Variants in IFNA16 observed in about 807,000 individuals in gnomAD.
IFNA16 encodes the protein interferon alpha 16, also known as interferon alpha-16.
For missense variants in IFNA16, 332 were observed against 213.5 expected (o/e 1.55, Z -3.46); for synonymous variants, 122 against 83.3 (o/e 1.46, Z -2.53).
At position 21,217,296 on chromosome 9, in the gene IFNA16, A is replaced by T. The variant is rs777376576; in HGVS notation, c.10T>A (p.Ser4Thr). Residue 4 changes from serine (S) to threonine (T), a missense_variant, in exon 1 of 1, where the codon TCC becomes ACC. Ser to Thr is a moderately conservative substitution (Grantham distance 58). Coordinates refer to ENST00000380216, the MANE Select transcript of IFNA16 (RefSeq NM_002173.3). The part of the protein sequence containing the change: MAL[S>T]FSLLMAVLVL... ...AGCACGGCCATCAGTAAAGAAAAGG[A>T]CAGGGCCATTGGGATGTTGCAAATA... 1 of 1,610,474 alleles carries T rather than the reference A, an allele frequency of 6.2e-7. No homozygotes were observed. The highest frequency in any genetic ancestry group is 2.2e-5 in the East Asian group (1 of 44,866).
Position 21,217,181 on chromosome 9 carries a change from G to C in IFNA16, c.125C>G (p.Ala42Gly), listed in dbSNP as rs761070897. Residue 42 changes from alanine (A) to glycine (G), a missense_variant, in exon 1 of 1, where the codon GCA (alanine) becomes GGA (glycine). Coordinates refer to ENST00000380216, the MANE Select transcript of IFNA16 (RefSeq NM_002173.3). ...LGNRRALILL[A>G]QMGRISHFSC... ...GAAATGAGAGATTCTTCCCATTTGT[G>C]CCAGGAGTATCAAGGCCCTCCTATT... The C allele has an allele frequency of 7.4e-6, 12 of 1,613,898 alleles. No homozygotes were observed. The highest frequency in any genetic ancestry group is 2.2e-5 in the East Asian group (1 of 44,868).
chr9:21,216,711 G>T lies in IFNA16; in HGVS notation c.*25C>A, dbSNP rs142247682. ...GTGAGATGATGTATTAATCAATGAG[G>T]ATCATTTCCATGTTGAATGAGTTTT... On this transcript the variant is annotated 3_prime_UTR_variant, in exon 1 of 1. Transcript: ENST00000380216. The T allele has an allele frequency of 7.7e-5, 124 of 1,608,896 alleles. 1 individual carries two copies. In the East Asian group the frequency reaches 2.6e-3, roughly 34 times the overall value.
rs1213296461 is a variant in IFNA16, at chr9:21,216,836, T to C, written c.470A>G (p.Lys157Arg). 6.2e-7 allele frequency: 1 copy of C among 1,613,918 alleles called. No individual in the cohort carries two copies. Among genetic ancestry groups the C allele is most frequent in the African/African-American group, 1.3e-5 (1 of 74,904 alleles). Residue 157 changes from lysine (K) to arginine (R), a missense_variant, in exon 1 of 1, where the codon AAG becomes AGG. Coordinates refer to ENST00000380216, the MANE Select transcript of IFNA16 (RefSeq NM_002173.3). ...FQRITLYLMG[K>R]KYSPCAWEVV... ...CTCCCAGGCACAAGGGCTGTATTTC[T>C]TCCCCATCAGATAAAGAGTGATTCT...
At position 21,216,531 on chromosome 9, in the gene IFNA16, A is replaced by G. The variant is rs1012679714; in HGVS notation, c.*205T>C. ...AATAAATAAATATTTAAATAAATAG[A>G]TGAATAGAGACATCAGCATGGTCAT... On this transcript the variant is annotated 3_prime_UTR_variant, in exon 1 of 1. Transcript: ENST00000380216. 2 of 408,470 alleles carry G rather than the reference A, an allele frequency of 4.9e-6. No individual in the cohort carries two copies. Among genetic ancestry groups the G allele is most frequent in the African/African-American group, 2.1e-5 (1 of 48,246 alleles). 25.3% of individuals were successfully genotyped at this position (408,470 alleles called of 1,614,324 possible). A position where few individuals can be genotyped will look rare whatever the true frequency, so the allele number is the denominator to read the frequency against.
chr9:21,216,641 G>C lies in IFNA16; in HGVS notation c.*95C>G. ...TTTGAAAATTTTGATTCAACTTGTG[G>C]TGGTTATAGAAGTGAGTCTTTGAAA... On this transcript the variant is annotated 3_prime_UTR_variant, in exon 1 of 1. Coordinates refer to ENST00000380216, the MANE Select transcript of IFNA16 (RefSeq NM_002173.3). The C allele has an allele frequency of 6.6e-7, 1 of 1,516,868 alleles. No homozygotes were observed. The highest frequency in any genetic ancestry group is 8.9e-7 in the Non-Finnish European group (1 of 1,126,648). 94.0% of individuals were successfully genotyped at this position (1,516,868 alleles called of 1,614,324 possible). A position where few individuals can be genotyped will look rare whatever the true frequency, so the allele number is the denominator to read the frequency against.
At position 21,216,771 on chromosome 9, in the gene IFNA16, T is replaced by C. The variant is rs1424952264; in HGVS notation, c.535A>G (p.Thr179Ala). ...AEIMRSFSFS[T>A]NLQKGLRRKD is the part of the protein sequence containing the mutation. ...CTTCTTAATCCTTTTTGCAAGTTTG[T>C]TGAAAAAGAGAAGGATCTCATGATT... The change falls in exon 1 of 1, where the codon ACA becomes GCA. Residue 179 changes from threonine (T) to alanine (A), a missense_variant. Transcript: ENST00000380216. 5.6e-6 allele frequency: 9 copies of C among 1,613,686 alleles called. No individual in the cohort carries two copies. The highest frequency in any genetic ancestry group is 1.1e-5 in the South Asian group (1 of 90,964).
rs1364567678 is a variant in IFNA16, at chr9:21,216,834, T to G, written c.472A>C (p.Lys158Gln). 1.9e-6 allele frequency: 3 copies of G among 1,613,926 alleles called. No homozygotes were observed. Among genetic ancestry groups the G allele is most frequent in the Non-Finnish European group, 2.5e-6 (3 of 1,179,970 alleles). The change falls in exon 1 of 1, where the codon AAA becomes CAA. Residue 158 changes from lysine to glutamine, a missense_variant. Transcript: ENST00000380216. ...QRITLYLMGK[K>Q]YSPCAWEVVR... is the part of the protein sequence containing the mutation. ...ACCTCCCAGGCACAAGGGCTGTATTTCTTCCCCATCAGATAAAGAGTGATT... is the reference window on the plus strand; with the variant it reads ...ACCTCCCAGGCACAAGGGCTGTATTGCTTCCCCATCAGATAAAGAGTGATT...
chr9:21,216,809 A>C lies in IFNA16; in HGVS notation c.497T>G (p.Val166Gly), dbSNP rs200293384. Residue 166 changes from valine (V) to glycine (G), a missense_variant, in exon 1 of 1, where the codon GTT becomes GGT. Transcript: ENST00000380216. ...GGATCTCATGATTTCTGCTCTGACA[A>C]CCTCCCAGGCACAAGGGCTGTATTT... Reference protein sequence around the residue: ...GKKYSPCAWEVVRAEIMRSFS... With the variant: ...GKKYSPCAWEGVRAEIMRSFS... The C allele has an allele frequency of 9.9e-6, 16 of 1,613,596 alleles. No individual in the cohort carries two copies. The highest frequency in any genetic ancestry group is 1.7e-5 in the Admixed American group (1 of 59,944).
Position 21,217,149 on chromosome 9 carries a change from G to C in IFNA16, c.157C>G (p.Leu53Val), listed in dbSNP as rs1818472019. 4 of 1,613,936 alleles carry C rather than the reference G, an allele frequency of 2.5e-6. No individual in the cohort carries two copies. Among genetic ancestry groups the C allele is most frequent in the Non-Finnish European group, 3.4e-6 (4 of 1,179,860 alleles). ...AATCCGAAATCATATCTGTCCTTCA[G>C]GCAGGAGAAATGAGAGATTCTTCCC... is the stretch of plus-strand genomic sequence containing the variant. ...QMGRISHFSC[L>V]KDRYDFGFPQ... is the part of the protein sequence containing the mutation. Residue 53 changes from leucine (L) to valine (V), a missense_variant, in exon 1 of 1, where the codon CTG becomes GTG. Physicochemically the swap from Leu to Val is conservative, Grantham distance 32. Transcript: ENST00000380216.
chr9:21,216,893 TC>T, the IFNA16 span: 3 of 1,613,736 alleles, frequency 1.9e-6, no homozygotes, highest in Non-Finnish European at 2.5e-6. Flanking sequence ...CAGGATGGAG[TC>T]CTCATTCATC....
At position 21,216,793 on chromosome 9, in the gene IFNA16, G is replaced by T; in HGVS notation, c.513C>A (p.Ile171=). The part of the protein sequence containing the change: ...PCAWEVVRAE[I]MRSFSFSTNL... ...TTGTTGAAAAAGAGAAGGATCTCAT[G>T]ATTTCTGCTCTGACAACCTCCCAGG... The change falls in exon 1 of 1, where the codon ATC becomes ATA. Residue 171 remains isoleucine (I), a synonymous_variant. Coordinates refer to ENST00000380216, the MANE Select transcript of IFNA16 (RefSeq NM_002173.3). The T allele has an allele frequency of 1.2e-6, 2 of 1,613,838 alleles. No individual in the cohort carries two copies. The highest frequency in any genetic ancestry group is 2.7e-5 in the African/African-American group (2 of 74,996).
Position 21,216,559 on chromosome 9 carries a change from G to C in IFNA16, c.*177C>G. 4.1e-6 allele frequency: 3 copies of C among 725,812 alleles called. No homozygotes were observed. The highest frequency in any genetic ancestry group is 6.4e-6 in the Non-Finnish European group (3 of 469,036). The allele number at this position is 725,812 out of a possible 1,614,324, so 45.0% of individuals were successfully genotyped here. A position where few individuals can be genotyped will look rare whatever the true frequency, so the allele number is the denominator to read the frequency against. ...AATAGAGACATCAGCATGGTCATCT[G>C]TAAAGGACTAGTGCCTGCACAGGTA... On this transcript the variant is annotated 3_prime_UTR_variant, in exon 1 of 1. Coordinates refer to ENST00000380216, the MANE Select transcript of IFNA16 (RefSeq NM_002173.3).
At position 21,216,754 on chromosome 9, in the gene IFNA16, T is replaced by G; in HGVS notation, c.552A>C (p.Gly184=). ...SFSFSTNLQK[G]LRRKD ...TGAGTTTTCAATCCTTCCTTCTTAA[T>G]CCTTTTTGCAAGTTTGTTGAAAAAG... is the stretch of plus-strand genomic sequence containing the variant. The change falls in exon 1 of 1, where the codon GGA becomes GGC. Residue 184 remains glycine, a synonymous_variant. Transcript: ENST00000380216. The G allele has an allele frequency of 6.2e-7, 1 of 1,613,720 alleles. No homozygotes were observed. Among genetic ancestry groups the G allele is most frequent in the Non-Finnish European group, 8.5e-7 (1 of 1,179,828 alleles).
rs1720792887 is a variant in IFNA16, at chr9:21,216,388, A to C, written c.*348T>G. 10 of 154,878 alleles carry C rather than the reference A, an allele frequency of 6.5e-5. No homozygotes were observed. In the Admixed American group the frequency reaches 6.5e-4, roughly 10 times the overall value. The allele number at this position is 154,878 out of a possible 1,614,324, so 9.6% of individuals were successfully genotyped here. On this transcript the variant is annotated 3_prime_UTR_variant, in exon 1 of 1. Transcript: ENST00000380216. ...AAGAAATTTTGTATAGTAAAAATTT[A>C]ATGAAAAGGAAGTTAATATATTAAC...
chr9:21,216,751 T>C lies in IFNA16; in HGVS notation c.555A>G (p.Leu185=). 6.2e-7 allele frequency: 1 copy of C among 1,613,688 alleles called. No individual in the cohort carries two copies. Among genetic ancestry groups the C allele is most frequent in the Non-Finnish European group, 8.5e-7 (1 of 1,179,808 alleles). The stretch of plus-strand genomic sequence containing the variant: ...GAATGAGTTTTCAATCCTTCCTTCT[T>C]AATCCTTTTTGCAAGTTTGTTGAAA... ...FSFSTNLQKG[L]RRKD The change falls in exon 1 of 1, where the codon TTA becomes TTG. Residue 185 remains leucine, a synonymous_variant. Coordinates refer to ENST00000380216, the MANE Select transcript of IFNA16 (RefSeq NM_002173.3).
Position 21,217,215 on chromosome 9 carries a change from T to A in IFNA16, c.91A>T (p.Ser31Cys). The A allele has an allele frequency of 6.2e-7, 1 of 1,614,044 alleles. No individual in the cohort carries two copies. Among genetic ancestry groups the A allele is most frequent in the South Asian group, 1.1e-5 (1 of 91,066 alleles). ...SLGCDLPQTH[S>C]LGNRRALILL... ...ATCAAGGCCCTCCTATTACCCAGGC[T>A]GTGAGTCTGAGGCAGATCACAGCCC... Residue 31 changes from serine to cysteine, a missense_variant, in exon 1 of 1, where the codon AGC (serine) becomes TGC (cysteine). Coordinates refer to ENST00000380216, the MANE Select transcript of IFNA16 (RefSeq NM_002173.3).
At position 21,216,751 on chromosome 9, in the gene IFNA16, T is replaced by G; in HGVS notation, c.555A>C (p.Leu185Phe). 2 of 1,613,688 alleles carry G rather than the reference T, an allele frequency of 1.2e-6. No individual in the cohort carries two copies. The highest frequency in any genetic ancestry group is 1.7e-6 in the Non-Finnish European group (2 of 1,179,808). ...GAATGAGTTTTCAATCCTTCCTTCT[T>G]AATCCTTTTTGCAAGTTTGTTGAAA... is the stretch of plus-strand genomic sequence containing the variant. ...FSFSTNLQKG[L>F]RRKD Residue 185 changes from leucine to phenylalanine, a missense_variant, in exon 1 of 1, where the codon TTA becomes TTC. Physicochemically the swap from Leu to Phe is conservative, Grantham distance 22. Transcript: ENST00000380216.
In IFNA16 at chr9:21,216,708, G is replaced by C. The variant is rs1047390958; in HGVS notation, c.*28C>G. The C allele has an allele frequency of 3.1e-6, 5 of 1,607,340 alleles. No homozygotes were observed. The highest frequency in any genetic ancestry group is 2.2e-5 in the South Asian group (2 of 89,976). On this transcript the variant is annotated 3_prime_UTR_variant, in exon 1 of 1. Transcript: ENST00000380216. Reference sequence around the variant, plus strand: ...AGTGTGAGATGATGTATTAATCAATGAGGATCATTTCCATGTTGAATGAGT... The same window carrying C: ...AGTGTGAGATGATGTATTAATCAATCAGGATCATTTCCATGTTGAATGAGT...
At position 21,216,557 on chromosome 9, in the gene IFNA16, C is replaced by T. The variant is rs747422620; in HGVS notation, c.*179G>A. The T allele has an allele frequency of 1.5e-6, 1 of 649,584 alleles. No individual in the cohort carries two copies. Among genetic ancestry groups the T allele is most frequent in the African/African-American group, 1.9e-5 (1 of 53,190 alleles). 40.2% of individuals were successfully genotyped at this position (649,584 alleles called of 1,614,324 possible). ...TGAATAGAGACATCAGCATGGTCATCTGTAAAGGACTAGTGCCTGCACAGG... is the reference window on the plus strand; with the variant it reads ...TGAATAGAGACATCAGCATGGTCATTTGTAAAGGACTAGTGCCTGCACAGG... On this transcript the variant is annotated 3_prime_UTR_variant, in exon 1 of 1. Transcript: ENST00000380216.
Sources: allele counts gnomAD v4.1 joint callset, GRCh38; gene constraint gnomAD v4.1.1; transcripts MANE v1.5; gene names NCBI Gene and HGNC (gene_info 2026-07-23, HGNC 2026-07-21).